The following EPB41 variants were observed in gnomAD, a reference collection of about 807,000 sequenced individuals.
EPB41 encodes erythrocyte membrane protein band 4.1, also known as protein 4.1.
Under a neutral mutation model 108.0 loss-of-function variants are expected in EPB41, and 65 were observed. That is an observed-to-expected ratio of 0.60 (90% CI 0.49 to 0.74). EPB41 has a LOEUF of 0.74. Among genes scored for constraint, EPB41 ranks in the 30% least tolerant of loss-of-function variants. The probability of loss-of-function intolerance (pLI) is 0.00; values close to 1 mark genes in which losing one functional copy is unlikely to be tolerated. For missense variants in EPB41, 875 were observed against 1,037.0 expected (o/e 0.84, Z 2.15); for synonymous variants, 336 against 358.9 (o/e 0.94, Z 0.72).
chr1:29,030,367 C>T (rs199712199), intron 7 of EPB41, 33 bp from the exon 8 acceptor site: 2 of 1,544,980 alleles, frequency 1.3e-6, no homozygotes, highest in Admixed American at 1.7e-5. Context: ...CACTATAACA[C>T]TGAAAGAATT....
chr1:29,043,602 A>T (rs936160908), intron 11 of EPB41, among the ~76,000 whole-genome samples: 2 of 152,200 alleles, frequency 1.3e-5, no homozygotes, highest in Non-Finnish European at 2.9e-5. Context: ...CCAGAAAATG[A>T]AGGGGCGAGG....
intron 1 of EPB41, among the ~76,000 whole-genome samples, chr1:28,917,725 C>T (rs948628581): frequency 1.3e-5 from 2 of 152,042 alleles, no homozygotes; most frequent in Admixed American, 6.6e-5. Flanking sequence ...GGACTACAGA[C>T]GTGCACCACC....
At chr1:29,049,484 A>T (rs1408651146) in intron 11 of EPB41, among the ~76,000 whole-genome samples, 1 of 152,178 alleles carries the variant, frequency 6.6e-6, no homozygotes, top group East Asian at 1.9e-4. Flanking sequence ...TCACTCTTGG[A>T]TAGCTCATCT....
At chr1:29,079,017 C>CA (rs1311297819) in intron 16 of EPB41, among the ~76,000 whole-genome samples, 1 of 148,668 alleles carries the variant, frequency 6.7e-6, no homozygotes, top group Non-Finnish European at 1.5e-5. Context: ...TTTTTGGACA[C>CA]AAAATTTCGC....
At chr1:28,958,582 C>T (rs953812882) in intron 1 of EPB41, among the ~76,000 whole-genome samples, 6 of 151,698 alleles carry the variant, frequency 4.0e-5, no homozygotes, top group South Asian at 2.1e-4. Flanking sequence ...GAGGCCGAGG[C>T]GGGTGGATCA....
At chr1:29,003,307 G>A (rs2096337897) in intron 4 of EPB41, among the ~76,000 whole-genome samples, 1 of 152,194 alleles carries the variant, frequency 6.6e-6, no homozygotes, top group Admixed American at 6.5e-5. Context: ...CCATTTTATA[G>A]ATGAGGAAAC....
chr1:29,049,911 A>G (rs958605169), intron 11 of EPB41, among the ~76,000 whole-genome samples: 7 of 152,240 alleles, frequency 4.6e-5, no homozygotes, highest in African/African-American at 1.7e-4. Context: ...CACACATCTT[A>G]AAAAGCAATC....
At chr1:29,004,768 G>A (rs1199485306) in intron 4 of EPB41, among the ~76,000 whole-genome samples, 1 of 152,154 alleles carries the variant, frequency 6.6e-6, no homozygotes, top group Non-Finnish European at 1.5e-5. Context: ...AGAATTACCT[G>A]TGCTCTAGAG....
At chr1:29,019,650 G>A (rs1334074797) in intron 7 of EPB41, among the ~76,000 whole-genome samples, 1 of 152,216 alleles carries the variant, frequency 6.6e-6, no homozygotes, top group Non-Finnish European at 1.5e-5. Flanking sequence ...AATCCAAAGA[G>A]TGGTGTCGGT....
At chr1:29,006,561 A>G (rs923852316) in intron 4 of EPB41, among the ~76,000 whole-genome samples, 5 of 152,026 alleles carry the variant, frequency 3.3e-5, no homozygotes, top group Non-Finnish European at 7.4e-5. Context: ...AAGTGAACAC[A>G]TCTGTATAAA....
At chr1:28,956,822 C>G (rs1005549552) in intron 1 of EPB41, among the ~76,000 whole-genome samples, 1 of 152,144 alleles carries the variant, frequency 6.6e-6, no homozygotes, top group Admixed American at 6.5e-5. Context: ...AGCTTGCAGT[C>G]TAGCAATATA....
intron 19 of EPB41, among the ~76,000 whole-genome samples, chr1:29,113,348 T>A (rs1013056885): frequency 3.9e-5 from 6 of 152,188 alleles, no homozygotes; most frequent in African/African-American, 1.2e-4. Flanking sequence ...GCTGAGTGCC[T>A]TTAAAAAAAG....
intron 4 of EPB41, among the ~76,000 whole-genome samples, chr1:28,999,480 TGTG>T (rs1425195871): frequency 6.6e-6 from 1 of 152,140 alleles, no homozygotes; most frequent in Non-Finnish European, 1.5e-5. Context: ...ATAGTTACAT[TGTG>T]GGGAAAAAAA....
chr1:28,973,453 A>C (rs1557871436), intron 1 of EPB41, among the ~76,000 whole-genome samples: 1 of 152,138 alleles, frequency 6.6e-6, no homozygotes, highest in Non-Finnish European at 1.5e-5. Flanking sequence ...GCAGTGGTGC[A>C]GTCATAGCTC....
chr1:28,902,662 G>C (rs1282772858), intron 1 of EPB41, among the ~76,000 whole-genome samples: 2 of 152,138 alleles, frequency 1.3e-5, no homozygotes, highest in Non-Finnish European at 1.5e-5. Flanking sequence ...CCTGGTACAG[G>C]GGGGTTCGTC....
At chr1:29,021,909 T>C (rs2096651286) in intron 7 of EPB41, among the ~76,000 whole-genome samples, 3 of 152,142 alleles carry the variant, frequency 2.0e-5, no homozygotes, top group Admixed American at 6.6e-5. Flanking sequence ...ACACCATGTT[T>C]TCTTGAAAAA....
intron 1 of EPB41, among the ~76,000 whole-genome samples, chr1:28,944,970 A>AGTTCCACC (rs1349558270): frequency 6.6e-6 from 1 of 151,878 alleles, no homozygotes; most frequent in Non-Finnish European, 1.5e-5. Context: ...GTGCGCCTGT[A>AGTTCCACC]GTTCCACCTA....
chr1:28,989,393 C>T, intron 2 of EPB41: 3 of 979,292 alleles, frequency 3.1e-6, no homozygotes, highest in Non-Finnish European at 3.6e-6. Flanking sequence ...TCAGAGTCTT[C>T]TTATTTCTGA....
At chr1:29,047,479 C>CTGGG (rs1643630797) in intron 11 of EPB41, among the ~76,000 whole-genome samples, 1 of 150,008 alleles carries the variant, frequency 6.7e-6, no homozygotes, top group African/African-American at 2.5e-5. Flanking sequence ...ATCTTGAACA[C>CTGGG]CTGGGCTCAA....
Sources: gnomAD v4.1 joint callset for allele counts (sites outside exome capture counted in the v4.1 genomes callset) on GRCh38, gnomAD v4.1.1 for gene constraint, MANE v1.5 for transcripts, NCBI Gene and HGNC (gene_info 2026-07-23, HGNC 2026-07-21) for gene names.